The following GLI1 variants were observed in gnomAD, a reference collection of about 807,000 sequenced individuals.
GLI1 encodes the protein GLI family zinc finger 1.
A neutral mutation model predicts 87.8 loss-of-function variants in GLI1; 51 were observed. The ratio of observed to expected loss-of-function variants is 0.58; its 90% CI spans 0.46 to 0.73. GLI1 has a LOEUF of 0.73. GLI1 is among the 30% of genes least tolerant of loss of function. GLI1 has a pLI of 0.00. For missense variants in GLI1, 1,292 were observed against 1,437.2 expected, an observed-to-expected ratio of 0.90 and a Z score of 1.63; for synonymous variants, 528 against 558.2, an observed-to-expected ratio of 0.95 and a Z score of 0.76.
chr12:57,464,407 G>A (rs549556270), intron 3 of GLI1, among the ~76,000 whole-genome samples: 3 of 152,028 alleles, frequency 2.0e-5, no homozygotes, highest in East Asian at 1.9e-4. Flanking sequence ...CTGTAGTGCC[G>A]ATTACAGGGG....
chr12:57,459,909 G>A lies in GLI1; in HGVS notation c.-320G>A, dbSNP rs752592037. 6.6e-6 allele frequency among the ~76,000 whole-genome samples: 1 copy of A among 152,240 alleles called. No homozygotes were observed. The highest frequency in any genetic ancestry group is 2.1e-4 in the South Asian group (1 of 4,828). On this transcript the variant is annotated 5_prime_UTR_variant, in exon 1 of 12. Coordinates refer to ENST00000228682, the MANE Select transcript of GLI1 (RefSeq NM_005269.3). ...TCATCCTCCAGAACGGCAAGAGGGA[G>A]GGAAATAGAAGGGAGGTGAGGGGCG...
Position 57,466,251 on chromosome 12 carries a change from C to A in GLI1, c.774C>A (p.Ser258Arg), listed in dbSNP as rs150321991. 4 of 1,612,866 alleles carry A rather than the reference C, an allele frequency of 2.5e-6. No individual in the cohort carries two copies. The highest frequency in any genetic ancestry group is 3.4e-6 in the Non-Finnish European group (4 of 1,179,290). ...ATCTTCTCCCTCAGCACATCAACAG[C>A]GAGCACATCCACGGGGAGCGGAAGG... ...SQEQLVHHIN[S>R]EHIHGERKEF... Residue 258 changes from serine to arginine, a missense_variant, in exon 8 of 12, where the codon AGC (serine) becomes AGA (arginine). Ser to Arg is a moderately radical substitution (Grantham distance 110, BLOSUM62 -1). Transcript: ENST00000228682.
Position 57,467,499 on chromosome 12 carries a change from T to A in GLI1, c.1077+2T>A. Reference sequence around the variant, plus strand: ...CAGAATCGGACCCATTCCAATGAGGTGAATGCCCTAACTAAGCGACCCTCC... The same window carrying A: ...CAGAATCGGACCCATTCCAATGAGGAGAATGCCCTAACTAAGCGACCCTCC... On this transcript the variant is annotated splice_donor_variant, in intron 9 of 11. Coordinates refer to ENST00000228682, the MANE Select transcript of GLI1 (RefSeq NM_005269.3). LOFTEE classifies it high-confidence loss of function. The A allele has an allele frequency of 6.3e-7, 1 of 1,592,862 alleles. No homozygotes were observed.
In GLI1 at chr12:57,469,245, C is replaced by G. The variant is rs1871705958; in HGVS notation, c.1309-186C>G. On this transcript the variant is annotated intron_variant, in intron 10 of 11. Coordinates refer to ENST00000228682, the MANE Select transcript of GLI1 (RefSeq NM_005269.3). Reference sequence around the variant, plus strand: ...TGAGTCCAGCCAGTCCGTGCTCCAGCCTAGGTTCTTCTCATCAAACGTCTC... The same window carrying G: ...TGAGTCCAGCCAGTCCGTGCTCCAGGCTAGGTTCTTCTCATCAAACGTCTC... Among the ~76,000 whole-genome samples the G allele has an allele frequency of 2.6e-5, 4 of 152,190 alleles. No individual in the cohort carries two copies. The South Asian group carries it at 8.3e-4, about 31-fold the overall frequency.
In GLI1 at chr12:57,465,709, G is replaced by T. The variant is rs184440864; in HGVS notation, c.624+13G>T. On this transcript the variant is annotated intron_variant, in intron 6 of 11. Coordinates refer to ENST00000228682, the MANE Select transcript of GLI1 (RefSeq NM_005269.3). ...CACAGGCATACAGGTAAGGGGATGG[G>T]CAGGAGCTTTACCTCTGGGACCTGA... 2 of 1,613,208 alleles carry T rather than the reference G, an allele frequency of 1.2e-6. No individual in the cohort carries two copies. The highest frequency in any genetic ancestry group is 2.7e-5 in the African/African-American group (2 of 74,924).
chr12:57,461,800 G>A (rs937422606), intron 1 of GLI1, among the ~76,000 whole-genome samples: 7 of 152,116 alleles, frequency 4.6e-5, no homozygotes, highest in African/African-American at 1.7e-4. Context: ...GGGCGGAGCC[G>A]ACTCCTGGGA....
rs1871006442 is a variant in GLI1 at position 57,459,829 on chromosome 12, G to T, written c.-400G>T. ...TCAAGGGAGGGGGAGGATCCTGGGGGTCCTGGGGGTGCAATAAGCCCGGCA... is the reference window on the plus strand; with the variant it reads ...TCAAGGGAGGGGGAGGATCCTGGGGTTCCTGGGGGTGCAATAAGCCCGGCA... On this transcript the variant is annotated 5_prime_UTR_variant, in exon 1 of 12. Coordinates refer to ENST00000228682, the MANE Select transcript of GLI1 (RefSeq NM_005269.3). Among the ~76,000 whole-genome samples, 1 of 150,366 alleles carries T rather than the reference G, an allele frequency of 6.7e-6. No homozygotes were observed. The highest frequency in any genetic ancestry group is 2.5e-5 in the African/African-American group (1 of 40,732).
chr12:57,467,524 C>T (rs201324083), intron 9 of GLI1, 27 bp downstream of exon 9: 2 of 1,564,264 alleles, frequency 1.3e-6, no homozygotes, highest in Admixed American at 1.8e-5. Context: ...AGCGACCCTC[C>T]CCTCTTGAGA....
At chr12:57,464,953 A>G (rs1871378324) in intron 4 of GLI1, 85 bp downstream of exon 4, 1 of 1,254,398 alleles carries the variant, frequency 8.0e-7, no homozygotes, top group Non-Finnish European at 1.2e-6. Context: ...ACCTAACCCT[A>G]TTTGAATCCT....
chr12:57,466,477 T>G, intron 8 of GLI1, 88 bp downstream of exon 8: 3 of 934,058 alleles, frequency 3.2e-6, no homozygotes, highest in Non-Finnish European at 1.6e-6. Flanking sequence ...TTTGCTTTTA[T>G]AAGTCCTTTC....
At position 57,470,485 on chromosome 12, in the gene GLI1, T is replaced by C; in HGVS notation, c.1745T>C (p.Met582Thr). The C allele has an allele frequency of 1.2e-6, 2 of 1,614,096 alleles. No homozygotes were observed. Among genetic ancestry groups the C allele is most frequent in the East Asian group, 2.2e-5 (1 of 44,884 alleles). ...GGAGCATCCTCCCTGCCTGGCCTTA[T>C]GCCTGCCCAGCACTACCTGCTTCGG... ...ENGASSLPGL[M>T]PAQHYLLRAR... is the part of the protein sequence containing the mutation. The change falls in exon 12 of 12, where the codon ATG becomes ACG. Residue 582 changes from methionine (M) to threonine (T), a missense_variant. Met to Thr is a moderately conservative substitution (Grantham distance 81, BLOSUM62 -1). Transcript: ENST00000228682.
chr12:57,470,042 CAAAA>C (rs962658099), intron 11 of GLI1, among the ~76,000 whole-genome samples: 2 of 151,804 alleles, frequency 1.3e-5, no homozygotes, highest in African/African-American at 4.9e-5. Context: ...CAAAACAAAA[CAAAA>C]CAAACAAACA....
At chr12:57,463,854 C>G in intron 2 of GLI1, 63 bp downstream of exon 2, 1 of 1,114,618 alleles carries the variant, frequency 9.0e-7, no homozygotes, top group Non-Finnish European at 1.3e-6. Flanking sequence ...TGGGCCCACC[C>G]CCACCCCATG....
chr12:57,463,511 G>T (rs1871282974), intron 1 of GLI1, among the ~76,000 whole-genome samples, 154 bp from the exon 2 acceptor site: 1 of 152,196 alleles, frequency 6.6e-6, no homozygotes, highest in African/African-American at 2.4e-5. Flanking sequence ...CACTGTGCCC[G>T]GCTCAGTGAT....
In GLI1 at chr12:57,470,980, G is replaced by A. The variant is rs1224563422; in HGVS notation, c.2240G>A (p.Gly747Asp). 1 of 1,613,064 alleles carries A rather than the reference G, an allele frequency of 6.2e-7. No individual in the cohort carries two copies. The highest frequency in any genetic ancestry group is 8.5e-7 in the Non-Finnish European group (1 of 1,179,560). Residue 747 changes from glycine (G) to aspartate (D), a missense_variant, in exon 12 of 12, where the codon GGT becomes GAT. Coordinates refer to ENST00000228682, the MANE Select transcript of GLI1 (RefSeq NM_005269.3). ...GCAGCTGAGCCTTATGGAGCGAGGG[G>A]TCCAGGCTCTCTGCCTCTTGGGCCT... ...GAAAEPYGAR[G>D]PGSLPLGPGP...
In GLI1 at chr12:57,465,643, C is replaced by T. The variant is rs756656703; in HGVS notation, c.571C>T (p.Arg191Trp). 102 of 1,613,974 alleles carry T rather than the reference C, an allele frequency of 6.3e-5. No individual in the cohort carries two copies. Among genetic ancestry groups the T allele is most frequent in the Non-Finnish European group, 7.9e-5 (93 of 1,179,978 alleles). ...SELDMLVGKC[R>W]EEPLEGDMSS... is the part of the protein sequence containing the mutation. Reference sequence around the variant, plus strand: ...GCTGGACATGCTGGTTGGCAAGTGCCGGGAGGAACCCTTGGAAGGTGATAT... The same window carrying T: ...GCTGGACATGCTGGTTGGCAAGTGCTGGGAGGAACCCTTGGAAGGTGATAT... The change falls in exon 6 of 12, where the codon CGG becomes TGG. Residue 191 changes from arginine (R) to tryptophan (W), a missense_variant. Transcript: ENST00000228682.
rs765668438 is a variant in GLI1 at position 57,470,491 on chromosome 12, C to G, written c.1751C>G (p.Ala584Gly). The G allele has an allele frequency of 6.2e-7, 1 of 1,614,026 alleles. No individual in the cohort carries two copies. Among genetic ancestry groups the G allele is most frequent in the Non-Finnish European group, 8.5e-7 (1 of 1,179,942 alleles). Residue 584 changes from alanine to glycine, a missense_variant, in exon 12 of 12, where the codon GCC becomes GGC. Ala to Gly is a moderately conservative substitution (Grantham distance 60). Around this residue, in one of 3 missense-constraint regions of GLI1, gnomAD observed 897 missense variants for 1,040.7 expected, o/e 0.86. Coordinates refer to ENST00000228682, the MANE Select transcript of GLI1 (RefSeq NM_005269.3). The part of the protein sequence containing the change: ...GASSLPGLMP[A>G]QHYLLRARYA... ...TCCTCCCTGCCTGGCCTTATGCCTG[C>G]CCAGCACTACCTGCTTCGGGCAAGA...
At chr12:57,466,414 A>G in intron 8 of GLI1, 25 bp downstream of exon 8, 1 of 1,590,444 alleles carries the variant, frequency 6.3e-7, no homozygotes, top group Non-Finnish European at 8.6e-7. Flanking sequence ...TCCCAAGTCC[A>G]GGGTCTCTTC....
In GLI1 at chr12:57,467,993, G is replaced by A; in HGVS notation, c.1078-1G>A. On this transcript the variant is annotated splice_acceptor_variant, in intron 9 of 11. Transcript: ENST00000228682. LOFTEE classifies it high-confidence loss of function. The stretch of plus-strand genomic sequence containing the variant: ...TTCTGTCTCCACTCTCCACTCAACA[G>A]AAGCCGTATGTATGTAAGCTCCCTG... The A allele has an allele frequency of 1.2e-6, 2 of 1,609,404 alleles. No homozygotes were observed. The highest frequency in any genetic ancestry group is 1.7e-6 in the Non-Finnish European group (2 of 1,175,840).
Sources: gnomAD v4.1 joint callset for allele counts (sites outside exome capture counted in the v4.1 genomes callset) on GRCh38, gnomAD v4.1.1 for gene constraint, gnomAD v4.1.1 regional missense constraint, MANE v1.5 for transcripts, NCBI Gene and HGNC (gene_info 2026-07-23, HGNC 2026-07-21) for gene names.